Variants in SLIT1 observed in about 807,000 individuals in gnomAD.
SLIT1 encodes slit guidance ligand 1, also known as slit homolog 1 protein.
In SLIT1, 66 loss-of-function variants were observed where a neutral mutation model predicts 186.1. The observed-to-expected ratio is 0.35, with a 90% CI of 0.29 to 0.44. The LOEUF (loss-of-function observed/expected upper bound fraction) is 0.44, where lower values mean the gene tolerates loss of function less well. Among genes scored for constraint, SLIT1 ranks in the 20% least tolerant of loss-of-function variants. The pLI is 1.00. For missense variants in SLIT1, 1,638 were observed against 2,037.4 expected (o/e 0.80, Z 3.77); for synonymous variants, 761 against 833.8 (o/e 0.91, Z 1.50).
At chr10:97,030,941 G>C in intron 24 of SLIT1, 113 bp from the exon 25 acceptor site, 1 of 864,252 alleles carries the variant, frequency 1.2e-6, no homozygotes, top group Non-Finnish European at 1.9e-6. Context: ...TTCCCTCTAG[G>C]CCTCTCAGTC....
intron 3 of SLIT1, among the ~76,000 whole-genome samples, chr10:97,160,073 C>A (rs1227784638): frequency 6.6e-6 from 1 of 152,136 alleles, no homozygotes; most frequent in Non-Finnish European, 1.5e-5. Flanking sequence ...TGATCCTGGC[C>A]ACGGTACAGT....
intron 34 of SLIT1, 27 bp from the exon 35 acceptor site, chr10:97,003,019 G>A: frequency 6.3e-7 from 1 of 1,599,680 alleles, no homozygotes; most frequent in Admixed American, 1.7e-5. Context: ...AGCAGAGCTG[G>A]GCTGAGTAAA....
At position 97,046,514 on chromosome 10, in the gene SLIT1, C is replaced by T. The variant is rs932354633; in HGVS notation, c.1853+140G>A. 9 of 813,710 alleles carry T rather than the reference C, an allele frequency of 1.1e-5. No homozygotes were observed. The African/African-American group carries it at 1.2e-4, about 11-fold the overall frequency. The allele number at this position is 813,710 out of a possible 1,614,324, so 50.4% of individuals were successfully genotyped here. A position where few individuals can be genotyped will look rare whatever the true frequency, so the allele number is the denominator to read the frequency against. ...GCCAACTTGATTACCTGTCCCAACA[C>T]AGTCAGGATCCTCAGTTCTCCCCAC... On this transcript the variant is annotated intron_variant, in intron 18 of 36. Transcript: ENST00000266058.
intron 4 of SLIT1, among the ~76,000 whole-genome samples, chr10:97,067,901 G>A (rs888002365): frequency 2.0e-5 from 3 of 152,080 alleles, no homozygotes; most frequent in African/African-American, 4.8e-5. Flanking sequence ...ACAGCCCACA[G>A]CCCCCTGCCC....
chr10:97,164,989 T>G (rs1850084769), intron 1 of SLIT1, 99 bp from the exon 2 acceptor site: 6 of 886,936 alleles, frequency 6.8e-6, no homozygotes, highest in Non-Finnish European at 1.1e-5. Context: ...GATCAGCCAG[T>G]CGTCTCATCA....
At position 97,000,482 on chromosome 10, in the gene SLIT1, G is replaced by T. The variant is rs1848294022; in HGVS notation, c.*630C>A. On this transcript the variant is annotated 3_prime_UTR_variant, in exon 37 of 37. Coordinates refer to ENST00000266058, the MANE Select transcript of SLIT1 (RefSeq NM_003061.3). ...GTCCTAAGAACCACCTCCACCCACA[G>T]CCTCGTTCCCAAGCCGTGGCTGCAG... 1 of 152,454 alleles carries T rather than the reference G, an allele frequency of 6.6e-6. No homozygotes were observed. Among genetic ancestry groups the T allele is most frequent in the East Asian group, 1.9e-4 (1 of 5,202 alleles). The allele number at this position is 152,454 out of a possible 1,614,324, so 9.4% of individuals were successfully genotyped here.
intron 35 of SLIT1, 58 bp downstream of exon 35, chr10:97,002,646 C>T: frequency 1.4e-6 from 2 of 1,464,812 alleles, no homozygotes; most frequent in Non-Finnish European, 1.8e-6. Flanking sequence ...GGCAGCCCTT[C>T]CCATGGGGAA....
rs1564655232 is a variant in SLIT1 at position 97,021,045 on chromosome 10, CG to C, written c.2746+204del. Among the ~76,000 whole-genome samples the C allele has an allele frequency of 2.0e-5, 3 of 152,236 alleles. No individual in the cohort carries two copies. Among genetic ancestry groups the C allele is most frequent in the African/African-American group, 7.2e-5 (3 of 41,450 alleles). On this transcript the variant is annotated intron_variant, in intron 26 of 36. Coordinates refer to ENST00000266058, the MANE Select transcript of SLIT1 (RefSeq NM_003061.3). This position sits in a 1 kb window ranked among gnomAD's most constrained non-coding sequence, Gnocchi z 4.5. Reference sequence around the variant, plus strand: ...CCACAGGGAGGGATTACGGCCCTGACGGCCTGGGATTTTTCTGCCTGGCTCT... The same window carrying C: ...CCACAGGGAGGGATTACGGCCCTGACGCCTGGGATTTTTCTGCCTGGCTCT...
In SLIT1 at chr10:97,006,678, C is replaced by A; in HGVS notation, c.3384G>T (p.Lys1128Asn). 6.2e-7 allele frequency: 1 copy of A among 1,614,098 alleles called. No individual in the cohort carries two copies. The highest frequency in any genetic ancestry group is 1.1e-5 in the South Asian group (1 of 91,068). ...CEIPPHLPAPKSPCEGTECQN... is the reference protein window; with the variant it reads ...CEIPPHLPAPNSPCEGTECQN... Reference sequence around the variant, plus strand: ...GGCACTCAGTCCCCTCACAGGGGCTCTTGGGGGCAGGCAGATGGGGAGGGA... The same window carrying A: ...GGCACTCAGTCCCCTCACAGGGGCTATTGGGGGCAGGCAGATGGGGAGGGA... The change falls in exon 32 of 37, where the codon AAG (lysine) becomes AAT (asparagine). Residue 1128 changes from lysine to asparagine, a missense_variant. Transcript: ENST00000266058. This position sits in a 1 kb window ranked among gnomAD's most constrained non-coding sequence, Gnocchi z 4.0.
intron 11 of SLIT1, among the ~76,000 whole-genome samples, chr10:97,058,912 T>C (rs1346401364): frequency 6.6e-6 from 1 of 152,222 alleles, no homozygotes; most frequent in Admixed American, 6.5e-5. Context: ...TTGTATGTTT[T>C]ATTGACAGAC....
In SLIT1 at chr10:97,004,228, G is replaced by A; in HGVS notation, c.3711-6C>T. 5.6e-6 allele frequency: 9 copies of A among 1,597,092 alleles called. No individual in the cohort carries two copies. Among genetic ancestry groups the A allele is most frequent in the Non-Finnish European group, 7.7e-6 (9 of 1,165,806 alleles). The stretch of plus-strand genomic sequence containing the variant: ...CATCGTTGATCGTCTCAGCACTGGA[G>A]GAAGAGGGGGTTCCCCGTTCCAGGG... On this transcript the variant is annotated splice_polypyrimidine_tract_variant and splice_region_variant and intron_variant, in intron 33 of 36. Transcript: ENST00000266058. This position sits in a 1 kb window ranked among gnomAD's most constrained non-coding sequence, Gnocchi z 5.1.
intron 28 of SLIT1, among the ~76,000 whole-genome samples, chr10:97,016,909 G>C (rs141461169): frequency 3.3e-4 from 50 of 152,296 alleles, no homozygotes; most frequent in Non-Finnish European, 6.2e-4. Flanking sequence ...CCAGCAGCAG[G>C]GTTTTAAGCT....
rs964579555 is a variant in SLIT1 at position 97,043,829 on chromosome 10, G to A, written c.1854-316C>T. 1.3e-5 allele frequency among the ~76,000 whole-genome samples: 2 copies of A among 152,132 alleles called. No homozygotes were observed. Reference sequence around the variant, plus strand: ...GAGTTCCTGCCCGTCTTTAGGCCATGCTCCACATCAGTGCCCAGGAGACTT... The same window carrying A: ...GAGTTCCTGCCCGTCTTTAGGCCATACTCCACATCAGTGCCCAGGAGACTT... On this transcript the variant is annotated intron_variant, in intron 18 of 36. Transcript: ENST00000266058. This position sits in a 1 kb window ranked among gnomAD's most constrained non-coding sequence, Gnocchi z 7.0.
chr10:97,172,914 GAA>G (rs1850209070), intron 1 of SLIT1, among the ~76,000 whole-genome samples: 1 of 131,032 alleles, frequency 7.6e-6, no homozygotes, highest in African/African-American at 2.6e-5. Flanking sequence ...AAAACAGAAA[GAA>G]AGAGAGAAAG....
chr10:97,062,643 T>C (rs1419652277), intron 8 of SLIT1, among the ~76,000 whole-genome samples: 1 of 152,156 alleles, frequency 6.6e-6, no homozygotes, highest in African/African-American at 2.4e-5. Flanking sequence ...GGGAGCAGCC[T>C]GTGAGGCCAG....
chr10:97,140,221 C>T (rs1306012151), intron 4 of SLIT1, among the ~76,000 whole-genome samples: 1 of 152,106 alleles, frequency 6.6e-6, no homozygotes, highest in Non-Finnish European at 1.5e-5. Flanking sequence ...CTCGTACCAG[C>T]TTTTCCCAGG....
chr10:97,146,565 C>CG (rs975568395), intron 4 of SLIT1, among the ~76,000 whole-genome samples: 3 of 151,796 alleles, frequency 2.0e-5, no homozygotes, highest in African/African-American at 7.3e-5. Context: ...CCCAGCCCCC[C>CG]CCACTGAACA....
At chr10:97,093,516 A>C (rs188206322) in intron 4 of SLIT1, among the ~76,000 whole-genome samples, 1 of 152,296 alleles carries the variant, frequency 6.6e-6, no homozygotes, top group African/African-American at 2.4e-5. Context: ...CCTAAAGCCC[A>C]TATGAGATGG....
chr10:97,008,863 ATTAT>A (rs918660350), intron 31 of SLIT1, among the ~76,000 whole-genome samples: 3 of 151,144 alleles, frequency 2.0e-5, no homozygotes, highest in Admixed American at 6.6e-5. Context: ...TTTATTTTTT[ATTAT>A]TTATTTATTT....
Sources: allele counts gnomAD v4.1 joint callset (sites outside exome capture counted in the v4.1 genomes callset), GRCh38; gene constraint gnomAD v4.1.1; non-coding constraint Gnocchi (gnomAD v3.1); transcripts MANE v1.5; gene names NCBI Gene and HGNC (gene_info 2026-07-23, HGNC 2026-07-21).